The following MCPH1 variants were observed in gnomAD, a reference collection of about 807,000 sequenced individuals.
MCPH1 encodes the protein microcephalin.
In MCPH1, 104 loss-of-function variants were observed where a neutral mutation model predicts 84.5. The ratio of observed to expected loss-of-function variants is 1.23; its 90% CI spans 1.05 to 1.45. The LOEUF (loss-of-function observed/expected upper bound fraction) is 1.45. MCPH1 is among the 40% of genes most tolerant of loss of function. The pLI, the probability that MCPH1 is intolerant of heterozygous loss-of-function variation, is 0.00. For missense variants in MCPH1, 1,498 were observed against 1,005.7 expected (o/e 1.49, Z -6.62); for synonymous variants, 514 against 366.8 (o/e 1.40, Z -4.58).
At chr8:6,625,337 A>G in intron 13 of MCPH1, 3 of 985,448 alleles carry the variant, frequency 3.0e-6, no homozygotes, top group Non-Finnish European at 2.4e-6. Context: ...GACGGTATCC[A>G]TGGATGTGTC....
intron 12 of MCPH1, among the ~76,000 whole-genome samples, chr8:6,610,267 G>T (rs991674728): frequency 6.6e-6 from 1 of 152,174 alleles, no homozygotes; most frequent in Non-Finnish European, 1.5e-5. Context: ...GACAGAAGGC[G>T]GTTTGGAAAA....
At chr8:6,498,855 C>T (rs1253050647) in intron 11 of MCPH1, among the ~76,000 whole-genome samples, 2 of 151,976 alleles carry the variant, frequency 1.3e-5, no homozygotes, top group South Asian at 4.1e-4. Context: ...TCGAGACCAG[C>T]CTGGCCAACA....
chr8:6,449,649 AAAAG>A (rs1804851224), intron 8 of MCPH1, among the ~76,000 whole-genome samples: 2 of 152,240 alleles, frequency 1.3e-5, no homozygotes, highest in South Asian at 2.1e-4. Flanking sequence ...GAAAAAAAAA[AAAAG>A]AAATAGGAAA....
At chr8:6,634,465 G>A (rs1797395261) in intron 13 of MCPH1, among the ~76,000 whole-genome samples, 1 of 151,606 alleles carries the variant, frequency 6.6e-6, no homozygotes. Flanking sequence ...AGCCCCTACA[G>A]GAATTAAGGA....
At chr8:6,539,874 A>C (rs1344217971) in intron 12 of MCPH1, among the ~76,000 whole-genome samples, 2 of 152,226 alleles carry the variant, frequency 1.3e-5, no homozygotes, top group Non-Finnish European at 2.9e-5. Flanking sequence ...GGTGTGAGCC[A>C]CTGTGCCTGG....
intron 12 of MCPH1, among the ~76,000 whole-genome samples, chr8:6,600,921 A>C (rs909214356): frequency 6.6e-6 from 1 of 152,164 alleles, no homozygotes; most frequent in Non-Finnish European, 1.5e-5. Context: ...GGTACTTAAC[A>C]CACTTCCATG....
Position 6,444,789 on chromosome 8 carries a change from G to A in MCPH1, c.1067G>A (p.Arg356Lys), listed in dbSNP as rs750374471. The A allele has an allele frequency of 6.2e-6, 10 of 1,613,892 alleles. No homozygotes were observed. The highest frequency in any genetic ancestry group is 1.3e-5 in the African/African-American group (1 of 74,872). Residue 356 changes from arginine (R) to lysine (K), a missense_variant, in exon 8 of 14, where the codon AGA becomes AAA. Arg to Lys is a conservative substitution (Grantham distance 26, BLOSUM62 2). Coordinates refer to ENST00000344683, the MANE Select transcript of MCPH1 (RefSeq NM_024596.5). The stretch of plus-strand genomic sequence containing the variant: ...AGACCCAGGAGTTCCTCAGTAAAGA[G>A]AAAAAGAGTATCACATGGCTCCCAT... ...HSRPRSSSVK[R>K]KRVSHGSHSP...
intron 12 of MCPH1, chr8:6,615,834 C>G (rs1180616973): frequency 6.6e-6 from 1 of 152,058 alleles, no homozygotes; most frequent in Admixed American, 6.6e-5. Context: ...ACAGTGGGCA[C>G]CGCAATTGGA....
intron 12 of MCPH1, among the ~76,000 whole-genome samples, chr8:6,580,185 A>G (rs1827441025): frequency 6.6e-6 from 1 of 152,154 alleles, no homozygotes; most frequent in Non-Finnish European, 1.5e-5. Context: ...GAATGGTCTG[A>G]GCATATGACG....
chr8:6,580,407 A>T (rs1455568920), intron 12 of MCPH1, among the ~76,000 whole-genome samples: 1 of 152,220 alleles, frequency 6.6e-6, no homozygotes, highest in African/African-American at 2.4e-5. Context: ...CTGTAATCCC[A>T]GCACTTTGGG....
At chr8:6,626,737 G>A (rs1832121490) in intron 13 of MCPH1, 1 of 985,166 alleles carries the variant, frequency 1.0e-6, no homozygotes, top group African/African-American at 1.7e-5. Context: ...CTGGGGTGAG[G>A]ATCACAAGCC....
intron 13 of MCPH1, among the ~76,000 whole-genome samples, chr8:6,621,937 TG>T (rs1210155219): frequency 3.3e-5 from 5 of 152,196 alleles, no homozygotes; most frequent in Non-Finnish European, 7.4e-5. Flanking sequence ...TTGACTTCCC[TG>T]GCTCGTGTGA....
intron 3 of MCPH1, among the ~76,000 whole-genome samples, chr8:6,418,901 A>T (rs1298336640): frequency 6.6e-6 from 1 of 151,930 alleles, no homozygotes; most frequent in South Asian, 2.1e-4. Context: ...TTTAAGACTC[A>T]TGGCTTTACT....
chr8:6,632,126 G>C (rs1797207959), intron 13 of MCPH1, among the ~76,000 whole-genome samples: 1 of 152,198 alleles, frequency 6.6e-6, no homozygotes, highest in African/African-American at 2.4e-5. Flanking sequence ...GAGGAACTTA[G>C]AATAGACAAA....
chr8:6,535,040 C>A (rs1359989377), intron 12 of MCPH1, among the ~76,000 whole-genome samples: 1 of 152,184 alleles, frequency 6.6e-6, no homozygotes, highest in African/African-American at 2.4e-5. Context: ...AGGCTTGGAA[C>A]TATAGAGATA....
chr8:6,454,224 A>T (rs1370548180), intron 8 of MCPH1, among the ~76,000 whole-genome samples: 2 of 152,168 alleles, frequency 1.3e-5, no homozygotes, highest in African/African-American at 4.8e-5. Context: ...TGAGCTCCCT[A>T]AGTGTGGGAC....
At chr8:6,615,085 C>A (rs1830669594) in intron 12 of MCPH1, among the ~76,000 whole-genome samples, 1 of 152,246 alleles carries the variant, frequency 6.6e-6, no homozygotes, top group Non-Finnish European at 1.5e-5. Flanking sequence ...ACTTGGCGTG[C>A]ATGTGAATGT....
chr8:6,426,932 G>A (rs571185973), intron 3 of MCPH1, among the ~76,000 whole-genome samples: 1 of 152,092 alleles, frequency 6.6e-6, no homozygotes, highest in Non-Finnish European at 1.5e-5. Flanking sequence ...GGTATTGCTT[G>A]ACGACAGGGA....
At position 6,414,206 on chromosome 8, in the gene MCPH1, C is replaced by T. The variant is rs1263338054; in HGVS notation, c.115-559C>T. Among the ~76,000 whole-genome samples, 18 of 152,270 alleles carry T rather than the reference C, an allele frequency of 1.2e-4. No homozygotes were observed. The East Asian group carries it at 2.7e-3, about 23-fold the overall frequency. ...TATTTTTAGTAGAGACAAGGTTTCA[C>T]CAGGTTGGCTAGGCTGGTCTCAAAC... On this transcript the variant is annotated intron_variant, in intron 2 of 13. Coordinates refer to ENST00000344683, the MANE Select transcript of MCPH1 (RefSeq NM_024596.5).
Sources: gnomAD v4.1 joint callset for allele counts (sites outside exome capture counted in the v4.1 genomes callset) on GRCh38, gnomAD v4.1.1 for gene constraint, MANE v1.5 for transcripts, NCBI Gene and HGNC (gene_info 2026-07-23, HGNC 2026-07-21) for gene names.